The following SLC8A3 variants were observed in gnomAD, a reference collection of about 807,000 sequenced individuals.
SLC8A3 encodes the protein sodium/calcium exchanger 3.
A neutral mutation model predicts 65.4 loss-of-function variants in SLC8A3; 37 were observed. That is an observed-to-expected ratio of 0.57 (90% confidence interval 0.44 to 0.74). The LOEUF is 0.74. SLC8A3 is among the 30% of genes least tolerant of loss of function. SLC8A3 has a pLI of 0.00. For synonymous variants in SLC8A3, 461 were observed against 444.5 expected (o/e 1.04, Z -0.47); for missense variants, 1,112 against 1,172.1 (o/e 0.95, Z 0.75).
chr14:70,177,523 C>T (rs80311388), intron 1 of SLC8A3, among the ~76,000 whole-genome samples: 59 of 152,240 alleles, frequency 3.9e-4, no homozygotes, highest in African/African-American at 1.4e-3. Context: ...CATGAACCAG[C>T]TAACATTAGA....
intron 2 of SLC8A3, among the ~76,000 whole-genome samples, chr14:70,133,763 T>C (rs1317914247): frequency 1.3e-5 from 2 of 152,172 alleles, no homozygotes; most frequent in African/African-American, 4.8e-5. Context: ...TTCTGGGGCT[T>C]GGGAGAGCTA....
At chr14:70,113,712 T>C (rs939048984) in intron 2 of SLC8A3, among the ~76,000 whole-genome samples, 1 of 152,180 alleles carries the variant, frequency 6.6e-6, no homozygotes, top group Non-Finnish European at 1.5e-5. Flanking sequence ...TTGTTAACAC[T>C]ATAACCACAG....
At chr14:70,173,398 G>A (rs915684050) in intron 1 of SLC8A3, among the ~76,000 whole-genome samples, 1 of 152,086 alleles carries the variant, frequency 6.6e-6, no homozygotes. Context: ...TCCCTTTTCC[G>A]GACCATCTTC....
At chr14:70,116,086 C>A (rs1258945541) in intron 2 of SLC8A3, among the ~76,000 whole-genome samples, 2 of 151,850 alleles carry the variant, frequency 1.3e-5, no homozygotes, top group African/African-American at 4.9e-5. Context: ...AGAATTGGCA[C>A]CCCCCTCCCC....
At chr14:70,051,149 C>T (rs775037176) in intron 4 of SLC8A3, 42 bp from the exon 5 acceptor site, 1 of 1,357,438 alleles carries the variant, frequency 7.4e-7, no homozygotes, top group Admixed American at 1.7e-5. Context: ...GGTTAGAATG[C>T]TCAGAACCAA....
intron 2 of SLC8A3, among the ~76,000 whole-genome samples, chr14:70,145,084 G>A (rs1348658956): frequency 1.3e-5 from 2 of 152,140 alleles, no homozygotes; most frequent in African/African-American, 4.8e-5. Context: ...AACTTACCAG[G>A]TGCTCACAAA....
chr14:70,085,209 G>C (rs891155465), intron 2 of SLC8A3, among the ~76,000 whole-genome samples: 1 of 152,078 alleles, frequency 6.6e-6, no homozygotes, highest in African/African-American at 2.4e-5. Context: ...TTTCTTCTGA[G>C]CACTGGTGTT....
chr14:70,062,218 C>A (rs1020000085), intron 2 of SLC8A3, among the ~76,000 whole-genome samples: 1 of 152,138 alleles, frequency 6.6e-6, no homozygotes, highest in Non-Finnish European at 1.5e-5. Flanking sequence ...TTCCTGCTAC[C>A]TTCTGTGGGC....
intron 3 of SLC8A3, among the ~76,000 whole-genome samples, chr14:70,059,661 A>T (rs1191308651): frequency 6.6e-6 from 1 of 152,190 alleles, no homozygotes; most frequent in South Asian, 2.1e-4. Flanking sequence ...TCCTGAGGAA[A>T]GCAGGAGATG....
chr14:70,112,737 G>C (rs1322013207), intron 2 of SLC8A3, among the ~76,000 whole-genome samples: 1 of 152,130 alleles, frequency 6.6e-6, no homozygotes, highest in Admixed American at 6.5e-5. Flanking sequence ...TGTCAGCAGG[G>C]CCATCCTGTC....
At chr14:70,150,608 A>T (rs755988825) in intron 2 of SLC8A3, among the ~76,000 whole-genome samples, 1 of 152,134 alleles carries the variant, frequency 6.6e-6, no homozygotes, top group Non-Finnish European at 1.5e-5. Flanking sequence ...CTCTTGTCAC[A>T]GACAGCCATA....
intron 2 of SLC8A3, among the ~76,000 whole-genome samples, chr14:70,062,747 T>C (rs527584996): frequency 1.3e-5 from 2 of 152,348 alleles, no homozygotes; most frequent in African/African-American, 4.8e-5. Flanking sequence ...AGAAAGCTCA[T>C]TGATTGTCAA....
rs758871865 is a variant in SLC8A3, at chr14:70,046,156, C to T, written c.2557G>A (p.Gly853Ser). The change falls in exon 7 of 7, where the codon GGC becomes AGC. Residue 853 changes from glycine to serine, a missense_variant. By Grantham distance (56) the Gly-to-Ser change is moderately conservative. Transcript: ENST00000356921. This position sits in a 1 kb window ranked among gnomAD's most constrained non-coding sequence, Gnocchi z 4.2. ...LQGQEFHVSA[G>S]TLAFSVTLFT... ...AGGGTGACGGAGAAGGCCAGTGTGC[C>T]GGCCGACACGTGGAACTCCTGTCCC... 12 of 1,614,062 alleles carry T rather than the reference C, an allele frequency of 7.4e-6. No homozygotes were observed. The South Asian group carries it at 7.7e-5, about 10-fold the overall frequency.
At chr14:70,094,624 C>A (rs1044048959) in intron 2 of SLC8A3, among the ~76,000 whole-genome samples, 9 of 152,202 alleles carry the variant, frequency 5.9e-5, no homozygotes, top group African/African-American at 2.2e-4. Flanking sequence ...TACTCCTTCC[C>A]AGCATGGGGA....
chr14:70,166,959 G>C lies in SLC8A3; in HGVS notation c.1464C>G (p.Arg488=). The C allele has an allele frequency of 6.2e-7, 1 of 1,614,142 alleles. No homozygotes were observed. The highest frequency in any genetic ancestry group is 8.5e-7 in the Non-Finnish European group (1 of 1,180,016). Reference sequence around the variant, plus strand: ...CCTCCTCTGGCTGCTCCTCCTCTATGCGGACATTGCTCAACCTTACAAAGA... The same window carrying C: ...CCTCCTCTGGCTGCTCCTCCTCTATCCGGACATTGCTCAACCTTACAAAGA... ...EHFFVRLSNV[R]IEEEQPEEGM... is the part of the protein sequence containing the mutation. Residue 488 remains arginine, a synonymous_variant, in exon 2 of 7, where the codon CGC becomes CGG. Coordinates refer to ENST00000356921, the MANE Select transcript of SLC8A3 (RefSeq NM_182932.3).
chr14:70,102,122 A>G (rs1330616511), intron 2 of SLC8A3, among the ~76,000 whole-genome samples: 1 of 152,216 alleles, frequency 6.6e-6, no homozygotes, highest in Non-Finnish European at 1.5e-5. Context: ...GGCCTGAGAG[A>G]TGAATGATGA....
At chr14:70,185,088 T>G (rs1202267619) in intron 1 of SLC8A3, among the ~76,000 whole-genome samples, 2 of 150,572 alleles carry the variant, frequency 1.3e-5, no homozygotes, top group African/African-American at 4.9e-5. Context: ...TGCCTCAGCC[T>G]CCTGAGTAAG....
At chr14:70,187,636 TG>T (rs760003903) in intron 1 of SLC8A3, among the ~76,000 whole-genome samples, 3,025 of 142,170 alleles carry the variant, frequency 0.021, 54 homozygotes, top group Middle Eastern at 0.056. Flanking sequence ...TGTGTGTGTG[TG>T]TGTCCGCGCG....
intron 2 of SLC8A3, among the ~76,000 whole-genome samples, chr14:70,115,708 C>T (rs1426287247): frequency 1.3e-5 from 2 of 152,130 alleles, no homozygotes; most frequent in East Asian, 1.9e-4. Flanking sequence ...TAGCTGAGCA[C>T]ACAGCCAGTG....
Sources: gnomAD v4.1 joint callset for allele counts (sites outside exome capture counted in the v4.1 genomes callset) on GRCh38, gnomAD v4.1.1 for gene constraint, Gnocchi (gnomAD v3.1) non-coding constraint, MANE v1.5 for transcripts, NCBI Gene and HGNC (gene_info 2026-07-23, HGNC 2026-07-21) for gene names.